DMXL2: variants seen among roughly 807,000 people sequenced by gnomAD.
The protein encoded by DMXL2 is dmX-like protein 2.
DMXL2 carries 103 observed loss-of-function variants against 331.1 expected under a neutral mutation model. The observed-to-expected ratio is 0.31, with a 90% CI of 0.27 to 0.37. The LOEUF (loss-of-function observed/expected upper bound fraction) is 0.37, where lower values mean the gene tolerates loss of function less well. DMXL2 is among the 10% of genes least tolerant of loss of function. The pLI is 1.00. For missense variants in DMXL2, 3,171 were observed against 3,642.9 expected (o/e 0.87, Z 3.33); for synonymous variants, 1,281 against 1,252.1 (o/e 1.02, Z -0.49).
chr15:51,499,794 T>TC lies in DMXL2; in HGVS notation c.3429_3430insG (p.Asn1144GlufsTer6). On this transcript the variant is annotated frameshift_variant, in exon 18 of 44. Coordinates refer to ENST00000560891, the MANE Select transcript of DMXL2 (RefSeq NM_001378457.1). LOFTEE classifies it high-confidence loss of function. Reference sequence around the variant, plus strand: ...TCTGACTTGCTATACACAAACAGATTACTGTCGACGCTGACCCTTGAATCA... The same window carrying TC: ...TCTGACTTGCTATACACAAACAGATTCACTGTCGACGCTGACCCTTGAATCA... 6.2e-7 allele frequency: 1 copy of TC among 1,614,180 alleles called. No homozygotes were observed. The highest frequency in any genetic ancestry group is 8.5e-7 in the Non-Finnish European group (1 of 1,180,032).
intron 1 of DMXL2, among the ~76,000 whole-genome samples, chr15:51,586,721 G>GT (rs1328465848): frequency 6.6e-6 from 1 of 151,876 alleles, no homozygotes; most frequent in African/African-American, 2.4e-5. Flanking sequence ...AGAAAAACGT[G>GT]TTTTTTTCAC....
intron 17 of DMXL2, among the ~76,000 whole-genome samples, chr15:51,501,559 T>C (rs1454059162): frequency 6.6e-6 from 1 of 152,224 alleles, no homozygotes; most frequent in Admixed American, 6.5e-5. Flanking sequence ...TACAAATGAA[T>C]GTATTTGTTC....
intron 2 of DMXL2, among the ~76,000 whole-genome samples, chr15:51,575,457 A>T (rs1187404910): frequency 6.6e-6 from 1 of 152,134 alleles, no homozygotes; most frequent in African/African-American, 2.4e-5. Context: ...CAAACATCCT[A>T]TATTTACTTG....
At chr15:51,554,803 T>A (rs2049447687) in intron 6 of DMXL2, among the ~76,000 whole-genome samples, 1 of 152,010 alleles carries the variant, frequency 6.6e-6, no homozygotes, top group African/African-American at 2.4e-5. Flanking sequence ...GTAAATGAAA[T>A]GGAAAAGCTT....
chr15:51,567,689 A>G (rs1179502777), intron 3 of DMXL2: 1 of 152,272 alleles, frequency 6.6e-6, no homozygotes, highest in Non-Finnish European at 1.5e-5. Flanking sequence ...AGAACCAGAG[A>G]GGACAAGAAC....
At chr15:51,466,948 A>G (rs377763927) in intron 29 of DMXL2, among the ~76,000 whole-genome samples, 25 of 152,134 alleles carry the variant, frequency 1.6e-4, no homozygotes, top group African/African-American at 6.0e-4. Flanking sequence ...AATGTAGTCT[A>G]GATTGATGCA....
intron 1 of DMXL2, among the ~76,000 whole-genome samples, chr15:51,605,041 C>A (rs558036330): frequency 0.012 from 1,758 of 149,856 alleles, 27 homozygotes; most frequent in East Asian, 0.027. Flanking sequence ...GTTCATATAT[C>A]AAAAAAAAAA....
At chr15:51,608,213 A>T (rs2053720489) in intron 1 of DMXL2, among the ~76,000 whole-genome samples, 1 of 152,044 alleles carries the variant, frequency 6.6e-6, no homozygotes, top group Non-Finnish European at 1.5e-5. Flanking sequence ...CAAAATAAAA[A>T]CAGAACTACA....
chr15:51,494,062 C>T (rs995837453), intron 19 of DMXL2, among the ~76,000 whole-genome samples: 2 of 151,936 alleles, frequency 1.3e-5, no homozygotes, highest in African/African-American at 4.8e-5. Context: ...TCAGTAATTC[C>T]ACTGCTGGAA....
intron 9 of DMXL2, among the ~76,000 whole-genome samples, chr15:51,540,564 G>A (rs1304614179): frequency 6.6e-6 from 1 of 152,000 alleles, no homozygotes; most frequent in East Asian, 1.9e-4. Flanking sequence ...ATGTTAATAT[G>A]TGGTAAATCT....
chr15:51,554,882 G>A (rs1442930327), intron 6 of DMXL2, among the ~76,000 whole-genome samples: 6 of 152,190 alleles, frequency 3.9e-5, no homozygotes, highest in Admixed American at 1.3e-4. Context: ...TCCAGGCCAG[G>A]AACAGTGGCT....
intron 2 of DMXL2, 87 bp from the exon 3 acceptor site, chr15:51,568,645 C>A: frequency 1.2e-6 from 1 of 833,050 alleles, no homozygotes; most frequent in East Asian, 2.9e-5. Context: ...AAACTAATTA[C>A]ATATAATCTC....
At chr15:51,606,717 G>GA (rs1258124974) in intron 1 of DMXL2, among the ~76,000 whole-genome samples, 5 of 151,980 alleles carry the variant, frequency 3.3e-5, no homozygotes, top group African/African-American at 1.2e-4. Flanking sequence ...ATCACACAAG[G>GA]AAAAAAGACC....
At chr15:51,590,968 G>A (rs1374579794) in intron 1 of DMXL2, among the ~76,000 whole-genome samples, 3 of 152,120 alleles carry the variant, frequency 2.0e-5, no homozygotes, top group Admixed American at 6.5e-5. Context: ...CAAGATGGCC[G>A]AATAGGAACA....
intron 19 of DMXL2, among the ~76,000 whole-genome samples, chr15:51,493,437 C>G (rs573329332): frequency 6.6e-6 from 1 of 152,112 alleles, no homozygotes; most frequent in African/African-American, 2.4e-5. Flanking sequence ...ATTTGAAAAC[C>G]TGCAGAGGTG....
chr15:51,592,473 A>T (rs547028792), intron 1 of DMXL2, among the ~76,000 whole-genome samples: 2 of 152,356 alleles, frequency 1.3e-5, no homozygotes, highest in Admixed American at 1.3e-4. Context: ...GGACAATGGA[A>T]CCAAGTTGGA....
Position 51,481,484 on chromosome 15 carries a change from A to T in DMXL2, c.5622T>A (p.Val1874=). The change falls in exon 24 of 44, where the codon GTT becomes GTA. Residue 1874 remains valine, a synonymous_variant. Transcript: ENST00000560891. ...TLGLKTEKNF[V]DKINLIERKL... is the part of the protein sequence containing the mutation. ...TTCTTTCTATGAGGTTAATTTTATC[A>T]ACAAAGTTCTTCTCAGTTTTGAGAC... is the stretch of plus-strand genomic sequence containing the variant. 1 of 1,613,430 alleles carries T rather than the reference A, an allele frequency of 6.2e-7. No homozygotes were observed. Among genetic ancestry groups the T allele is most frequent in the Non-Finnish European group, 8.5e-7 (1 of 1,179,806 alleles).
intron 9 of DMXL2, among the ~76,000 whole-genome samples, chr15:51,540,950 T>G (rs1471986287): frequency 2.0e-5 from 3 of 152,126 alleles, no homozygotes; most frequent in Non-Finnish European, 4.4e-5. Context: ...CTAATTAGGA[T>G]AGTGTACACA....
chr15:51,503,537 G>A (rs1277727158), intron 16 of DMXL2, among the ~76,000 whole-genome samples: 1 of 152,096 alleles, frequency 6.6e-6, no homozygotes, highest in Non-Finnish European at 1.5e-5. Flanking sequence ...ATCTCATAGA[G>A]GTAGATAATA....
Sources: gnomAD v4.1 joint callset for allele counts (sites outside exome capture counted in the v4.1 genomes callset) on GRCh38, gnomAD v4.1.1 for gene constraint, MANE v1.5 for transcripts, NCBI Gene and HGNC (gene_info 2026-07-23, HGNC 2026-07-21) for gene names.